The following EBF1 variants were observed in gnomAD, a reference collection of about 807,000 sequenced individuals.
EBF1 encodes the protein transcription factor COE1.
Under a neutral mutation model 68.4 loss-of-function variants are expected in EBF1, and 10 were observed. The observed-to-expected ratio is 0.15, with a 90% CI of 0.09 to 0.25. The LOEUF (loss-of-function observed/expected upper bound fraction) is 0.25. EBF1 is among the 10% of genes least tolerant of loss of function. EBF1 has a pLI of 1.00. For missense variants in EBF1, 509 were observed against 794.4 expected, an observed-to-expected ratio of 0.64 and a Z score of 4.32; for synonymous variants, 298 against 299.8, an observed-to-expected ratio of 0.99 and a Z score of 0.06.
At chr5:158,751,817 A>T (rs1768961689) in intron 10 of EBF1, among the ~76,000 whole-genome samples, 1 of 152,162 alleles carries the variant, frequency 6.6e-6, no homozygotes. Context: ...TTACAAATAA[A>T]GAAATGGACA....
At chr5:158,906,509 G>T (rs1426025830) in intron 6 of EBF1, among the ~76,000 whole-genome samples, 11 of 152,148 alleles carry the variant, frequency 7.2e-5, no homozygotes, top group Non-Finnish European at 1.5e-5. Context: ...TGTGGAGAAG[G>T]AACAGGCAGG....
chr5:158,732,774 T>C (rs1295680853), intron 10 of EBF1, among the ~76,000 whole-genome samples: 1 of 152,180 alleles, frequency 6.6e-6, no homozygotes, highest in Non-Finnish European at 1.5e-5. Flanking sequence ...TAGAAAGATT[T>C]TTTTCCCCCA....
intron 1 of EBF1, 98 bp downstream of exon 1, chr5:159,099,247 C>T (rs887136008): frequency 9.7e-7 from 1 of 1,027,958 alleles, no homozygotes; most frequent in Non-Finnish European, 1.2e-6. Flanking sequence ...CCCCGCCGCC[C>T]GGCCCCGCGG....
At chr5:159,021,674 T>C (rs897543896) in intron 6 of EBF1, among the ~76,000 whole-genome samples, 6 of 152,358 alleles carry the variant, frequency 3.9e-5, no homozygotes, top group Non-Finnish European at 8.8e-5. Context: ...CCCAGTCTTT[T>C]TGTCGGATGT....
intron 8 of EBF1, among the ~76,000 whole-genome samples, chr5:158,813,979 ACAAT>A (rs2127807876): frequency 6.6e-6 from 1 of 152,318 alleles, no homozygotes; most frequent in Non-Finnish European, 1.5e-5. Flanking sequence ...TTGGTTTGAA[ACAAT>A]CAATTAGGCA....
At chr5:158,980,671 A>G (rs762573718) in intron 6 of EBF1, among the ~76,000 whole-genome samples, 2 of 152,230 alleles carry the variant, frequency 1.3e-5, no homozygotes, top group Non-Finnish European at 2.9e-5. Context: ...GAGAGAAAAT[A>G]TCTCATGGCA....
At chr5:158,796,545 G>T in intron 8 of EBF1, 70 bp from the exon 9 acceptor site, 1 of 1,461,014 alleles carries the variant, frequency 6.8e-7, no homozygotes, top group Non-Finnish European at 9.1e-7. Flanking sequence ...ATGAAGACTT[G>T]AGAAAAAGGA....
At chr5:159,090,746 C>T (rs1401112816) in intron 4 of EBF1, among the ~76,000 whole-genome samples, 1 of 151,964 alleles carries the variant, frequency 6.6e-6, no homozygotes, top group Non-Finnish European at 1.5e-5. Flanking sequence ...TATTTCACTC[C>T]TATGGTAACT....
At chr5:159,020,727 G>A (rs1396589690) in intron 6 of EBF1, among the ~76,000 whole-genome samples, 3 of 152,122 alleles carry the variant, frequency 2.0e-5, no homozygotes, top group African/African-American at 4.8e-5. Flanking sequence ...AACTCCCTGA[G>A]GCAAGAGTCA....
At chr5:158,915,297 T>C (rs1806915774) in intron 6 of EBF1, among the ~76,000 whole-genome samples, 1 of 152,134 alleles carries the variant, frequency 6.6e-6, no homozygotes, top group Non-Finnish European at 1.5e-5. Context: ...AAATAAATGT[T>C]TAGAAATGCC....
At chr5:158,719,825 G>A (rs1392340476) in intron 11 of EBF1, among the ~76,000 whole-genome samples, 1 of 152,112 alleles carries the variant, frequency 6.6e-6, no homozygotes, top group Non-Finnish European at 1.5e-5. Flanking sequence ...TAAAATTAAA[G>A]CCCAGGGATG....
chr5:158,770,450 G>A (rs944678508), intron 10 of EBF1, among the ~76,000 whole-genome samples: 4 of 152,158 alleles, frequency 2.6e-5, no homozygotes, highest in African/African-American at 7.2e-5. Flanking sequence ...ACCTGGTCAC[G>A]TCCACCTGTC....
At chr5:158,981,446 C>T (rs1038324087) in intron 6 of EBF1, among the ~76,000 whole-genome samples, 3 of 152,108 alleles carry the variant, frequency 2.0e-5, no homozygotes, top group East Asian at 1.9e-4. Context: ...CCAAAACCCT[C>T]ATTTACATTT....
chr5:158,763,681 AAG>A (rs1356433397), intron 10 of EBF1, among the ~76,000 whole-genome samples: 1 of 152,132 alleles, frequency 6.6e-6, no homozygotes, highest in African/African-American at 2.4e-5. Flanking sequence ...TAGAGAAATA[AAG>A]AGTTTATCAA....
chr5:158,933,932 G>A (rs906207868), intron 6 of EBF1, among the ~76,000 whole-genome samples: 2 of 152,226 alleles, frequency 1.3e-5, no homozygotes, highest in Non-Finnish European at 2.9e-5. Context: ...GACAGTCTGC[G>A]TTGATGTCAC....
intron 8 of EBF1, among the ~76,000 whole-genome samples, chr5:158,813,530 G>A (rs1783116093): frequency 6.6e-6 from 1 of 152,180 alleles, no homozygotes; most frequent in Non-Finnish European, 1.5e-5. Flanking sequence ...CCAAGGTGGA[G>A]GGAAATTGGA....
At chr5:158,767,414 G>T (rs1772953512) in intron 10 of EBF1, among the ~76,000 whole-genome samples, 1 of 152,062 alleles carries the variant, frequency 6.6e-6, no homozygotes, top group African/African-American at 2.4e-5. Flanking sequence ...TGCATTTCAG[G>T]GAATCAGGTA....
In EBF1 at chr5:158,788,127, G is replaced by A. The variant is rs144351281; in HGVS notation, c.909+8218C>T. On this transcript the variant is annotated intron_variant, in intron 9 of 15. Coordinates refer to ENST00000313708, the MANE Select transcript of EBF1 (RefSeq NM_024007.5). ...GCTGGGCATCACAGAAAATTAAGCT[G>A]TATTTATCCTGGATCCTGCATTCAA... 2.6e-4 allele frequency among the ~76,000 whole-genome samples: 39 copies of A among 152,276 alleles called. No individual in the cohort carries two copies. In the East Asian group the frequency reaches 7.3e-3, roughly 29 times the overall value.
rs541665667 is a variant in EBF1, at chr5:158,717,631, G to T, written c.1126-3449C>A. The stretch of plus-strand genomic sequence containing the variant: ...TCCAAGATAATTAATCCTATCCTTG[G>T]ATTTTTTTTTTTTAAAAATCCCTTT... On this transcript the variant is annotated intron_variant, in intron 11 of 15. Transcript: ENST00000313708. Among the ~76,000 whole-genome samples the T allele has an allele frequency of 2.7e-5, 4 of 150,932 alleles. No individual in the cohort carries two copies. In the South Asian group the frequency reaches 8.4e-4, roughly 32 times the overall value.
Sources: gnomAD v4.1 joint callset for allele counts (sites outside exome capture counted in the v4.1 genomes callset) on GRCh38, gnomAD v4.1.1 for gene constraint, MANE v1.5 for transcripts, NCBI Gene and HGNC (gene_info 2026-07-23, HGNC 2026-07-21) for gene names.